The following TENM3 variants were observed in gnomAD, a reference collection of about 807,000 sequenced individuals.
The protein encoded by TENM3 is teneurin-3.
TENM3 carries 63 observed loss-of-function variants against 255.1 expected under a neutral mutation model. The ratio of observed to expected loss-of-function variants is 0.25; its 90% CI spans 0.20 to 0.30. The LOEUF is 0.30. Among genes scored for constraint, TENM3 ranks in the 10% least tolerant of loss-of-function variants. The pLI, the probability that TENM3 is intolerant of heterozygous loss-of-function variation, is 1.00. For missense variants in TENM3, 2,929 were observed against 3,461.1 expected, an observed-to-expected ratio of 0.85 and a Z score of 3.86; for synonymous variants, 1,306 against 1,322.3, an observed-to-expected ratio of 0.99 and a Z score of 0.27.
chr4:181,672,697 G>A, the TENM3 span, among the ~76,000 whole-genome samples: 9 of 152,260 alleles, frequency 5.9e-5, 1 homozygote, highest in African/African-American at 1.4e-4. Context: ...TTACAGAAGC[G>A]CCTGCATCTG....
At chr4:181,598,808 C>T in the TENM3 span, among the ~76,000 whole-genome samples, 823 of 151,934 alleles carry the variant, frequency 5.4e-3, 2 homozygotes, top group African/African-American at 0.019. Flanking sequence ...CTTATTAATT[C>T]AAGGAACAAT....
chr4:181,542,170 T>G, the TENM3 span, among the ~76,000 whole-genome samples: 1 of 152,214 alleles, frequency 6.6e-6, no homozygotes, highest in Non-Finnish European at 1.5e-5. Flanking sequence ...AGAAAGTGTC[T>G]TCTGAATGGG....
At chr4:182,707,753 T>TG (rs1366479835) in intron 12 of TENM3, 5 of 152,210 alleles carry the variant, frequency 3.3e-5, no homozygotes, top group Admixed American at 3.3e-4. Flanking sequence ...CCCGAATACT[T>TG]GCCTCATTTG....
At chr4:181,931,679 T>C in the TENM3 span, among the ~76,000 whole-genome samples, 2 of 152,178 alleles carry the variant, frequency 1.3e-5, no homozygotes, top group Non-Finnish European at 2.9e-5. Context: ...AAATTTCATA[T>C]GGAACCAAAA....
the TENM3 span, among the ~76,000 whole-genome samples, chr4:181,603,200 A>C: frequency 9.2e-5 from 14 of 152,212 alleles, no homozygotes; most frequent in Admixed American, 2.0e-4. Context: ...TATATGAAGC[A>C]GTAGAACTTT....
the TENM3 span, among the ~76,000 whole-genome samples, chr4:181,556,894 C>T: frequency 1.6e-4 from 25 of 152,116 alleles, no homozygotes; most frequent in African/African-American, 5.6e-4. Flanking sequence ...AATGAGAAAA[C>T]GTAACGGTTT....
the TENM3 span, among the ~76,000 whole-genome samples, chr4:181,602,815 A>G: frequency 3.3e-5 from 5 of 152,220 alleles, no homozygotes; most frequent in Non-Finnish European, 7.3e-5. Flanking sequence ...TCATCTGACC[A>G]CATGCCATTG....
the TENM3 span, among the ~76,000 whole-genome samples, chr4:181,856,146 A>AGGAAGGAAAG: frequency 1.2e-3 from 158 of 136,706 alleles, 1 homozygote; most frequent in African/African-American, 3.5e-3. Context: ...GAAGGAAGGA[A>AGGAAGGAAAG]GGAAGGAAAG....
At chr4:181,489,996 G>A in the TENM3 span, among the ~76,000 whole-genome samples, 3 of 152,012 alleles carry the variant, frequency 2.0e-5, no homozygotes, top group Admixed American at 2.0e-4. Context: ...TTTATCTTCT[G>A]GAAATATGAC....
the TENM3 span, among the ~76,000 whole-genome samples, chr4:181,512,865 T>C: frequency 6.6e-6 from 1 of 152,224 alleles, no homozygotes; most frequent in East Asian, 1.9e-4. Context: ...CCAGAATGCA[T>C]ATTAGACGCA....
At chr4:181,679,181 C>A in the TENM3 span, among the ~76,000 whole-genome samples, 1 of 152,082 alleles carries the variant, frequency 6.6e-6, no homozygotes, top group South Asian at 2.1e-4. Context: ...TCAAATAAGG[C>A]AAGCACCAAC....
At chr4:182,033,895 TTC>T in the TENM3 span, among the ~76,000 whole-genome samples, 2 of 152,326 alleles carry the variant, frequency 1.3e-5, no homozygotes, top group East Asian at 1.9e-4. Flanking sequence ...TTGGTAAATT[TTC>T]CTCTATCCCT....
the TENM3 span, among the ~76,000 whole-genome samples, chr4:181,715,318 A>G: frequency 6.6e-6 from 1 of 152,146 alleles, no homozygotes; most frequent in Admixed American, 6.5e-5. Flanking sequence ...AAGTGTTTAG[A>G]TGTTACACAT....
chr4:181,497,202 G>C, the TENM3 span, among the ~76,000 whole-genome samples: 3 of 152,092 alleles, frequency 2.0e-5, no homozygotes, highest in Admixed American at 6.6e-5. Context: ...CATACATACA[G>C]AGGCACACAC....
chr4:181,553,666 C>G, the TENM3 span, among the ~76,000 whole-genome samples: 1 of 152,084 alleles, frequency 6.6e-6, no homozygotes, highest in Non-Finnish European at 1.5e-5. Context: ...TGGTCTCGAT[C>G]TCCTGACCTC....
intron 7 of TENM3, among the ~76,000 whole-genome samples, chr4:182,679,110 A>G (rs1755896216): frequency 6.6e-6 from 1 of 152,132 alleles, no homozygotes; most frequent in Non-Finnish European, 1.5e-5. Context: ...CCTAATGTAG[A>G]TGATGGATTG....
chr4:182,050,726 C>T, the TENM3 span, among the ~76,000 whole-genome samples: 1 of 152,070 alleles, frequency 6.6e-6, no homozygotes, highest in Non-Finnish European at 1.5e-5. Context: ...ATCTCTTGAG[C>T]CCCAGAGACA....
chr4:182,041,373 G>A, the TENM3 span, among the ~76,000 whole-genome samples: 3 of 152,052 alleles, frequency 2.0e-5, no homozygotes, highest in East Asian at 1.9e-4. Flanking sequence ...TTCACTTTTT[G>A]TAATGATAAA....
chr4:182,448,264 C>T (rs1364119279), intron 3 of TENM3, among the ~76,000 whole-genome samples: 1 of 152,186 alleles, frequency 6.6e-6, no homozygotes, highest in East Asian at 1.9e-4. Context: ...AGGCGGTGGC[C>T]GAGGCCCAGG....
Sources: gnomAD v4.1 joint callset for allele counts (sites outside exome capture counted in the v4.1 genomes callset) on GRCh38, gnomAD v4.1.1 for gene constraint, MANE v1.5 for transcripts, NCBI Gene and HGNC (gene_info 2026-07-23, HGNC 2026-07-21) for gene names.